PTPRG: variants seen among roughly 807,000 people sequenced by gnomAD.
PTPRG encodes receptor-type tyrosine-protein phosphatase gamma.
A neutral mutation model predicts 165.3 loss-of-function variants in PTPRG; 102 were observed. That is an observed-to-expected ratio of 0.62 (90% CI 0.53 to 0.73). The LOEUF (loss-of-function observed/expected upper bound fraction) is 0.73, where lower values mean the gene tolerates loss of function less well. Ranked by LOEUF, PTPRG falls within the 30% of genes least tolerant of loss-of-function variation. The pLI, the probability that PTPRG is intolerant of heterozygous loss-of-function variation, is 0.00. For missense variants in PTPRG, 1,866 were observed against 1,861.4 expected (o/e 1.00, Z -0.05); for synonymous variants, 675 against 669.5 (o/e 1.01, Z -0.13).
intron 4 of PTPRG, among the ~76,000 whole-genome samples, chr3:62,077,291 A>C (rs560882275): frequency 6.6e-6 from 1 of 151,614 alleles, no homozygotes; most frequent in Admixed American, 6.6e-5. Context: ...AAAAAAAAAA[A>C]CAAACCATAA....
At chr3:61,920,201 A>G (rs1463327537) in intron 2 of PTPRG, among the ~76,000 whole-genome samples, 1 of 152,084 alleles carries the variant, frequency 6.6e-6, no homozygotes, top group Non-Finnish European at 1.5e-5. Flanking sequence ...CCTACTTAAT[A>G]CCAACCATAT....
intron 2 of PTPRG, among the ~76,000 whole-genome samples, chr3:61,805,015 A>G (rs1386959549): frequency 6.6e-6 from 1 of 152,242 alleles, no homozygotes; most frequent in East Asian, 1.9e-4. Context: ...GGTGGCTCCC[A>G]GCTTCACTGG....
Position 62,254,306 on chromosome 3 carries a change from G to A in PTPRG, c.2468-818G>A, listed in dbSNP as rs1041953410. Among the ~76,000 whole-genome samples, 9 of 152,128 alleles carry A rather than the reference G, an allele frequency of 5.9e-5. No individual in the cohort carries two copies. The highest frequency in any genetic ancestry group is 1.9e-4 in the African/African-American group (8 of 41,428). Reference sequence around the variant, plus strand: ...AAGGAAATATTTGTGGGGGAGGGTCGAGGGAGAAGGGAAGAAGGAGGTTGG... The same window carrying A: ...AAGGAAATATTTGTGGGGGAGGGTCAAGGGAGAAGGGAAGAAGGAGGTTGG... On this transcript the variant is annotated intron_variant, in intron 15 of 29. Transcript: ENST00000474889. The surrounding 1 kb of genome is among the most constrained non-coding windows in gnomAD (Gnocchi z 4.6).
chr3:61,888,864 T>C (rs533491582), intron 2 of PTPRG, among the ~76,000 whole-genome samples: 3 of 152,358 alleles, frequency 2.0e-5, no homozygotes, highest in African/African-American at 4.8e-5. Flanking sequence ...TTGAATCTTA[T>C]GAAATTGACA....
At chr3:62,241,870 T>C (rs1015871628) in intron 14 of PTPRG, among the ~76,000 whole-genome samples, 4 of 152,196 alleles carry the variant, frequency 2.6e-5, no homozygotes, top group Non-Finnish European at 5.9e-5. Flanking sequence ...GAGCACTTAT[T>C]TGGGCTATTA....
chr3:62,079,992 G>C lies in PTPRG; in HGVS notation c.615+1734G>C, dbSNP rs76840507. Among the ~76,000 whole-genome samples, 1,390 of 151,544 alleles carry C rather than the reference G, an allele frequency of 9.2e-3. 22 individuals are homozygous for C. Among genetic ancestry groups the C allele is most frequent in the African/African-American group, 0.032 (1,338 of 41,242 alleles). ...CATGGTATACATATTATCTTTTTAT[G>C]AACAGAAGTATGTTCTGGACACTGC... On this transcript the variant is annotated intron_variant, in intron 5 of 29. Transcript: ENST00000474889.
At chr3:61,676,700 ATCTC>A (rs1011871337) in intron 1 of PTPRG, among the ~76,000 whole-genome samples, 1 of 152,038 alleles carries the variant, frequency 6.6e-6, no homozygotes, top group East Asian at 1.9e-4. Flanking sequence ...CATGGTGTGT[ATCTC>A]TCTGTTGTTT....
In PTPRG at chr3:61,719,874, G is replaced by A. The variant is rs182948862; in HGVS notation, c.86-29004G>A. Among the ~76,000 whole-genome samples the A allele has an allele frequency of 3.0e-3, 457 of 152,148 alleles. 4 individuals carry two copies. Among genetic ancestry groups the A allele is most frequent in the Non-Finnish European group, 4.9e-3 (332 of 68,000 alleles). ...TAATTGCTCTCCCCTTTCCTGGAAC[G>A]TTCTTTTCTGAGACCCAACTTGCTC... On this transcript the variant is annotated intron_variant, in intron 1 of 29. Transcript: ENST00000474889.
intron 1 of PTPRG, among the ~76,000 whole-genome samples, chr3:61,575,218 T>C (rs1202705045): frequency 6.6e-6 from 1 of 152,156 alleles, no homozygotes; most frequent in Non-Finnish European, 1.5e-5. Flanking sequence ...CTCCTTATGA[T>C]GCGAAGTGGA....
chr3:61,775,766 T>C (rs2034359720), intron 2 of PTPRG, among the ~76,000 whole-genome samples: 1 of 152,186 alleles, frequency 6.6e-6, no homozygotes, highest in South Asian at 2.1e-4. Flanking sequence ...CATGAGTTCA[T>C]GTCCTTTGTA....
At chr3:62,108,369 T>C (rs1379001018) in intron 5 of PTPRG, among the ~76,000 whole-genome samples, 1 of 152,222 alleles carries the variant, frequency 6.6e-6, no homozygotes, top group African/African-American at 2.4e-5. Context: ...GCAAAGGAGA[T>C]GAACTCATCC....
At chr3:62,101,121 GA>G (rs1381015577) in intron 5 of PTPRG, among the ~76,000 whole-genome samples, 1 of 152,176 alleles carries the variant, frequency 6.6e-6, no homozygotes, top group Non-Finnish European at 1.5e-5. Context: ...GATGTAGACA[GA>G]AGAAGACTGG....
chr3:62,260,520 C>T (rs1479212521), intron 16 of PTPRG, among the ~76,000 whole-genome samples: 2 of 152,102 alleles, frequency 1.3e-5, no homozygotes, highest in African/African-American at 2.4e-5. Context: ...TTATGTTGGC[C>T]TTCTCCTATG....
rs769918915 is a variant in PTPRG, at chr3:62,296,565, C to G, written c.*3258C>G. The G allele has an allele frequency of 6.6e-5, 10 of 150,606 alleles. No homozygotes were observed. The highest frequency in any genetic ancestry group is 1.2e-4 in the Non-Finnish European group (8 of 67,732). The allele number at this position is 150,606 out of a possible 1,614,324, so 9.3% of individuals were successfully genotyped here. A position where few individuals can be genotyped will look rare whatever the true frequency, so the allele number is the denominator to read the frequency against. On this transcript the variant is annotated 3_prime_UTR_variant, in exon 30 of 30. Coordinates refer to ENST00000474889, the MANE Select transcript of PTPRG (RefSeq NM_002841.4). ...TTGTCTTAAGAATTTAGTGGTTATA[C>G]TGGAAATGCATTTTCAACTCCTATG...
chr3:61,945,597 AAC>A (rs2039740794), intron 2 of PTPRG, among the ~76,000 whole-genome samples: 1 of 151,546 alleles, frequency 6.6e-6, no homozygotes. Context: ...AAATGGAAAA[AAC>A]ATAAATGGAG....
At chr3:61,789,938 G>T (rs558688267) in intron 2 of PTPRG, among the ~76,000 whole-genome samples, 1 of 152,310 alleles carries the variant, frequency 6.6e-6, no homozygotes, top group Non-Finnish European at 1.5e-5. Context: ...ATCCTGTCCT[G>T]GTTGAGATCT....
At chr3:61,949,180 A>G (rs1369767594) in intron 2 of PTPRG, among the ~76,000 whole-genome samples, 2 of 152,164 alleles carry the variant, frequency 1.3e-5, no homozygotes, top group African/African-American at 4.8e-5. Flanking sequence ...AAACAACTCA[A>G]AAAAACCAAA....
intron 5 of PTPRG, among the ~76,000 whole-genome samples, chr3:62,103,702 C>T (rs1346420317): frequency 6.6e-6 from 1 of 152,160 alleles, no homozygotes; most frequent in African/African-American, 2.4e-5. Context: ...GTATCTGTGT[C>T]TGCATTTTGA....
chr3:61,998,954 C>T (rs1170254655), intron 3 of PTPRG, among the ~76,000 whole-genome samples: 1 of 152,184 alleles, frequency 6.6e-6, no homozygotes, highest in African/African-American at 2.4e-5. Context: ...AAGGCACCAG[C>T]AGATTCAGTA....
Sources: gnomAD v4.1 joint callset for allele counts (sites outside exome capture counted in the v4.1 genomes callset) on GRCh38, gnomAD v4.1.1 for gene constraint, Gnocchi (gnomAD v3.1) non-coding constraint, MANE v1.5 for transcripts, NCBI Gene and HGNC (gene_info 2026-07-23, HGNC 2026-07-21) for gene names.